LENG8: variants seen among roughly 807,000 people sequenced by gnomAD.
LENG8 encodes leukocyte receptor cluster (LRC) member 8.
In LENG8, 28 loss-of-function variants were observed where a neutral mutation model predicts 102.1. The observed-to-expected ratio is 0.27, with a 90% confidence interval of 0.20 to 0.38. The LOEUF is 0.38. Ranked by LOEUF, LENG8 falls within the 10% of genes least tolerant of loss-of-function variation. The pLI is 1.00. For missense variants in LENG8, 1,022 were observed against 1,113.9 expected (o/e 0.92, Z 1.17); for synonymous variants, 531 against 456.7 (o/e 1.16, Z -2.07).
intron 4 of LENG8, 89 bp from the exon 5 acceptor site, chr19:54,453,457 A>G (rs1457654025): frequency 3.8e-6 from 3 of 793,960 alleles, no homozygotes; most frequent in Non-Finnish European, 6.6e-6. Flanking sequence ...GGATTGGTAG[A>G]GGGTCATGGC....
chr19:54,454,556 C>G lies in LENG8; in HGVS notation c.553C>G (p.Pro185Ala). ...GAHTLNSGPQPGTAPATQHSQ... is the reference protein window; with the variant it reads ...GAHTLNSGPQAGTAPATQHSQ... ...TCACACGCTGAACAGTGGCCCTCAGCCTGGGACAGCTCCAGCCACACAGCA... is the reference window on the plus strand; with the variant it reads ...TCACACGCTGAACAGTGGCCCTCAGGCTGGGACAGCTCCAGCCACACAGCA... Residue 185 changes from proline (P) to alanine (A), a missense_variant, in exon 6 of 16, where the codon CCT becomes GCT. Physicochemically the swap from Pro to Ala is conservative, Grantham distance 27. Coordinates refer to ENST00000326764, the MANE Select transcript of LENG8 (RefSeq NM_052925.4). 1.2e-6 allele frequency: 2 copies of G among 1,612,864 alleles called. No individual in the cohort carries two copies. Among genetic ancestry groups the G allele is most frequent in the Non-Finnish European group, 1.7e-6 (2 of 1,179,714 alleles).
chr19:54,452,795 C>A, intron 4 of LENG8, 43 bp downstream of exon 4: 1 of 1,452,490 alleles, frequency 6.9e-7, no homozygotes, highest in Non-Finnish European at 9.7e-7. Context: ...GAGGTGGAGT[C>A]TGCTGGGTCG....
chr19:54,456,519 G>A, intron 10 of LENG8, 54 bp downstream of exon 10: 1 of 1,552,136 alleles, frequency 6.4e-7, no homozygotes, highest in South Asian at 1.2e-5. Context: ...GGGTACTGGG[G>A]ACCCATGGGA....
At chr19:54,460,431 C>T (rs910856133) in intron 15 of LENG8, 1 of 1,267,102 alleles carries the variant, frequency 7.9e-7, no homozygotes, top group East Asian at 4.0e-5. Context: ...GCCCCGCCAT[C>T]CCCATCCCCT....
chr19:54,452,804 C>T (rs540919836), intron 4 of LENG8, 52 bp downstream of exon 4: 57 of 1,348,356 alleles, frequency 4.2e-5, no homozygotes, highest in South Asian at 7.0e-5. Context: ...TCTGCTGGGT[C>T]GGGGCGAGGT....
At position 54,456,229 on chromosome 19, in the gene LENG8, C is replaced by T. The variant is rs75472495; in HGVS notation, c.1288C>T (p.Arg430Cys). The change falls in exon 9 of 16, where the codon CGC (arginine) becomes TGC (cysteine). Residue 430 changes from arginine (R) to cysteine (C), a missense_variant. Arg to Cys is a radical substitution (Grantham distance 180). Transcript: ENST00000326764. ...CCGCTCCTCCTCCAGGTCCCCGACGCGCCACTTCCGCAGAAGGTACTGAGG... is the reference window on the plus strand; with the variant it reads ...CCGCTCCTCCTCCAGGTCCCCGACGTGCCACTTCCGCAGAAGGTACTGAGG... ...RSRSSSRSPT[R>C]HFRRSDSHSD... The T allele has an allele frequency of 2.4e-3, 3,815 of 1,613,250 alleles. 11 individuals are homozygous for T. Among genetic ancestry groups the T allele is most frequent in the Non-Finnish European group, 2.7e-3 (3,203 of 1,179,532 alleles).
At position 54,461,333 on chromosome 19, in the gene LENG8, GC is replaced by G; in HGVS notation, c.*408del. The G allele has an allele frequency of 2.2e-6, 1 of 460,154 alleles. No homozygotes were observed. Among genetic ancestry groups the G allele is most frequent in the Admixed American group, 2.4e-5 (1 of 41,476 alleles). 28.5% of individuals were successfully genotyped at this position (460,154 alleles called of 1,614,324 possible). A position where few individuals can be genotyped will look rare whatever the true frequency, so the allele number is the denominator to read the frequency against. On this transcript the variant is annotated 3_prime_UTR_variant, in exon 16 of 16. Transcript: ENST00000326764. ...AAAGAAGACAGGCCGTCCAGCCCGT[GC>G]CCGCCTGCGGCGGGGGCACCCAGCA...
In LENG8 at chr19:54,454,557, C is replaced by G. The variant is rs762852700; in HGVS notation, c.554C>G (p.Pro185Arg). 1.9e-6 allele frequency: 3 copies of G among 1,612,820 alleles called. No homozygotes were observed. Among genetic ancestry groups the G allele is most frequent in the Non-Finnish European group, 1.7e-6 (2 of 1,179,692 alleles). ...GAHTLNSGPQPGTAPATQHSQ... is the reference protein window; with the variant it reads ...GAHTLNSGPQRGTAPATQHSQ... ...CACACGCTGAACAGTGGCCCTCAGC[C>G]TGGGACAGCTCCAGCCACACAGCAC... The change falls in exon 6 of 16, where the codon CCT becomes CGT. Residue 185 changes from proline (P) to arginine (R), a missense_variant. Physicochemically the swap from Pro to Arg is moderately radical, Grantham distance 103. This residue lies in a region of LENG8 where 343 missense variants were observed against 320.2 expected (regional missense o/e 1.07). Coordinates refer to ENST00000326764, the MANE Select transcript of LENG8 (RefSeq NM_052925.4).
At chr19:54,460,042 C>T in intron 15 of LENG8, 5 of 1,285,618 alleles carry the variant, frequency 3.9e-6, no homozygotes, top group Admixed American at 2.3e-5. Context: ...TGTGTCAGCA[C>T]CTTCCCCCCA....
chr19:54,458,427 C>A lies in LENG8; in HGVS notation c.2146C>A (p.Arg716=). ...WALGNYHRFF[R]LYCHAPCMSG... is the part of the protein sequence containing the mutation. Reference sequence around the variant, plus strand: ...CCTGGGCAACTACCACCGCTTTTTCCGGCTCTACTGCCATGCACCCTGCAT... The same window carrying A: ...CCTGGGCAACTACCACCGCTTTTTCAGGCTCTACTGCCATGCACCCTGCAT... The change falls in exon 15 of 16, where the codon CGG becomes AGG. Residue 716 remains arginine, a synonymous_variant. Transcript: ENST00000326764. 6.2e-7 allele frequency: 1 copy of A among 1,614,270 alleles called. No homozygotes were observed.
intron 11 of LENG8, 35 bp downstream of exon 11, chr19:54,456,956 G>T (rs772044409): frequency 1.2e-5 from 18 of 1,560,324 alleles, no homozygotes. Flanking sequence ...GCTCTGTGAG[G>T]CCGTGCTGGC....
rs780417567 is a variant in LENG8 at position 54,457,806 on chromosome 19, G to A, written c.1791G>A (p.Ala597=). ...ACTGGAAAGAGAAGCAGGACTACGC[G>A]TTTGCCTGCGAGCAGATGAAGTCGA... The part of the protein sequence containing the change: ...KCHWKEKQDY[A]FACEQMKSIR... The change falls in exon 12 of 16, where the codon GCG becomes GCA. Residue 597 remains alanine (A), a synonymous_variant. Coordinates refer to ENST00000326764, the MANE Select transcript of LENG8 (RefSeq NM_052925.4). The A allele has an allele frequency of 5.0e-5, 81 of 1,614,056 alleles. No individual in the cohort carries two copies. Among genetic ancestry groups the A allele is most frequent in the East Asian group, 3.3e-4 (15 of 44,894 alleles).
intron 2 of LENG8, 22 bp from the exon 3 acceptor site, chr19:54,452,071 T>C (rs1244098648): frequency 6.3e-7 from 1 of 1,597,080 alleles, no homozygotes; most frequent in Non-Finnish European, 8.6e-7. Flanking sequence ...CAGGTGTGAC[T>C]TGATGTCCTC....
chr19:54,461,690 C>A lies in LENG8; in HGVS notation c.*762C>A. On this transcript the variant is annotated 3_prime_UTR_variant, in exon 16 of 16. Transcript: ENST00000326764. ...TTGGTTCAGCACAGGTAAAACGGTT[C>A]CCCTCCCTCCCTGCCTTCATGGATC... 1 of 485,450 alleles carries A rather than the reference C, an allele frequency of 2.1e-6. No individual in the cohort carries two copies. The allele number at this position is 485,450 out of a possible 1,614,324, so 30.1% of individuals were successfully genotyped here.
intron 2 of LENG8, 67 bp from the exon 3 acceptor site, chr19:54,452,026 C>A: frequency 6.7e-7 from 1 of 1,494,482 alleles, no homozygotes; most frequent in South Asian, 1.3e-5. Context: ...TGGAATTTGC[C>A]TCCCAACTTG....
At chr19:54,458,722 G>A (rs940361293) in intron 15 of LENG8, 4 of 1,551,136 alleles carry the variant, frequency 2.6e-6, no homozygotes, top group Middle Eastern at 3.3e-4. Flanking sequence ...TGTGTTCCGG[G>A]TCACTCCTCT....
chr19:54,456,999 G>A (rs2084284896), intron 11 of LENG8, 78 bp downstream of exon 11: 2 of 1,442,280 alleles, frequency 1.4e-6, no homozygotes, highest in Non-Finnish European at 1.8e-6. Flanking sequence ...AGGGAGGGTG[G>A]CAGAGGCCAC....
At chr19:54,460,179 C>A (rs1378975559) in intron 15 of LENG8, 82 of 1,289,824 alleles carry the variant, frequency 6.4e-5, no homozygotes, top group Non-Finnish European at 7.9e-5. Flanking sequence ...TCACTCGGTG[C>A]CTGGGTTCCT....
At chr19:54,460,331 C>G (rs1457438211) in intron 15 of LENG8, 27 of 1,213,596 alleles carry the variant, frequency 2.2e-5, no homozygotes, top group Non-Finnish European at 2.8e-5. Context: ...GTGGTGAGTG[C>G]TAGCTGGCAC....
Sources: allele counts gnomAD v4.1 joint callset, GRCh38; gene constraint gnomAD v4.1.1; regional missense constraint gnomAD v4.1.1; transcripts MANE v1.5; gene names NCBI Gene and HGNC (gene_info 2026-07-23, HGNC 2026-07-21).